The following DPP10 variants were observed in gnomAD, a reference collection of about 807,000 sequenced individuals.
DPP10 encodes dipeptidyl peptidase like 10.
Under a neutral mutation model 120.9 loss-of-function variants are expected in DPP10, and 33 were observed. The ratio of observed to expected loss-of-function variants is 0.27; its 90% CI spans 0.21 to 0.37. DPP10 has a LOEUF of 0.37. Ranked by LOEUF, DPP10 falls within the 10% of genes least tolerant of loss-of-function variation. The pLI, the probability that DPP10 is intolerant of heterozygous loss-of-function variation, is 1.00. For missense variants in DPP10, 816 were observed against 942.8 expected, an observed-to-expected ratio of 0.87 and a Z score of 1.76; for synonymous variants, 337 against 326.1, an observed-to-expected ratio of 1.03 and a Z score of -0.36.
chr2:115,634,209 A>T (rs1383520898), intron 5 of DPP10, among the ~76,000 whole-genome samples: 1 of 152,174 alleles, frequency 6.6e-6, no homozygotes, highest in East Asian at 1.9e-4. Flanking sequence ...CCGTCAGTTT[A>T]TCCATCTCAG....
At chr2:115,359,432 A>G (rs2064622959) in intron 3 of DPP10, among the ~76,000 whole-genome samples, 1 of 152,140 alleles carries the variant, frequency 6.6e-6, no homozygotes, top group Non-Finnish European at 1.5e-5. Context: ...TTTTTTAATG[A>G]TATGAAAATA....
chr2:115,195,979 A>G (rs1386694881), intron 1 of DPP10, among the ~76,000 whole-genome samples: 3 of 152,222 alleles, frequency 2.0e-5, no homozygotes, highest in Non-Finnish European at 2.9e-5. Flanking sequence ...AAGCAGAGAT[A>G]AAGAACACAT....
At chr2:115,334,212 TG>T (rs2062951722) in intron 2 of DPP10, among the ~76,000 whole-genome samples, 1 of 146,546 alleles carries the variant, frequency 6.8e-6, no homozygotes, top group African/African-American at 2.5e-5. Context: ...TTATCAGGAA[TG>T]GACCAGAGCA....
At chr2:115,273,504 T>C (rs1425174461) in intron 1 of DPP10, among the ~76,000 whole-genome samples, 2 of 151,982 alleles carry the variant, frequency 1.3e-5, no homozygotes, top group Non-Finnish European at 2.9e-5. Context: ...GCCTGGCTAA[T>C]TTTTTGTATT....
At chr2:114,729,968 T>C (rs1676732321) in intron 1 of DPP10, among the ~76,000 whole-genome samples, 2 of 152,222 alleles carry the variant, frequency 1.3e-5, no homozygotes, top group Non-Finnish European at 2.9e-5. Flanking sequence ...TCTGCCTACT[T>C]GTCAATAGCT....
At chr2:115,262,501 A>C (rs1452497405) in intron 1 of DPP10, among the ~76,000 whole-genome samples, 1 of 152,158 alleles carries the variant, frequency 6.6e-6, no homozygotes, top group Non-Finnish European at 1.5e-5. Context: ...CTACATAGAA[A>C]TCTAAAGCAA....
At chr2:115,451,804 A>G (rs1361892167) in intron 3 of DPP10, among the ~76,000 whole-genome samples, 4 of 152,152 alleles carry the variant, frequency 2.6e-5, no homozygotes, top group African/African-American at 9.6e-5. Context: ...GTTTTTATAC[A>G]GTTAAATTTA....
intron 1 of DPP10, among the ~76,000 whole-genome samples, chr2:115,045,647 C>T (rs1191139257): frequency 1.3e-5 from 2 of 152,126 alleles, no homozygotes; most frequent in Admixed American, 6.6e-5. Flanking sequence ...TGGTCCAGAC[C>T]AGGGGACGGC....
intron 2 of DPP10, among the ~76,000 whole-genome samples, chr2:115,319,662 A>G (rs2061965093): frequency 6.6e-6 from 1 of 152,170 alleles, no homozygotes; most frequent in African/African-American, 2.4e-5. Context: ...GTCTTAGTTC[A>G]TTTGTGCTGC....
chr2:114,644,966 G>A (rs892552251), intron 1 of DPP10, among the ~76,000 whole-genome samples: 2 of 151,852 alleles, frequency 1.3e-5, no homozygotes, highest in Non-Finnish European at 2.9e-5. Context: ...CTGCTGTTCA[G>A]TCATCACAAA....
chr2:115,460,527 C>G (rs955504128), intron 3 of DPP10, among the ~76,000 whole-genome samples: 2 of 152,134 alleles, frequency 1.3e-5, no homozygotes, highest in African/African-American at 4.8e-5. Flanking sequence ...AATTATTACT[C>G]TTTACAAATA....
chr2:115,607,898 C>T (rs1365484215), intron 5 of DPP10, among the ~76,000 whole-genome samples: 1 of 152,082 alleles, frequency 6.6e-6, no homozygotes, highest in Non-Finnish European at 1.5e-5. Context: ...AACTTAAAGT[C>T]TTAAAGATTA....
At chr2:115,167,620 A>G (rs1034089268) in intron 1 of DPP10, among the ~76,000 whole-genome samples, 1 of 151,660 alleles carries the variant, frequency 6.6e-6, no homozygotes, top group East Asian at 1.9e-4. Context: ...AAAAAAAAAA[A>G]AAAAGCCTCA....
chr2:115,116,069 C>G (rs2049488168), intron 1 of DPP10, among the ~76,000 whole-genome samples: 1 of 152,196 alleles, frequency 6.6e-6, no homozygotes, highest in Admixed American at 6.5e-5. Context: ...TATTGTCCCA[C>G]ATATACTTTA....
chr2:115,265,058 GTT>G (rs1199354692), intron 1 of DPP10, among the ~76,000 whole-genome samples: 1 of 152,018 alleles, frequency 6.6e-6, no homozygotes, highest in East Asian at 1.9e-4. Flanking sequence ...TTGCACTTGA[GTT>G]TGATGAAGAT....
At chr2:114,694,331 G>A (rs139131202) in intron 1 of DPP10, among the ~76,000 whole-genome samples, 4 of 151,886 alleles carry the variant, frequency 2.6e-5, no homozygotes, top group Admixed American at 6.6e-5. Flanking sequence ...TAACATCTCC[G>A]TAGAGAAAAT....
intron 1 of DPP10, among the ~76,000 whole-genome samples, chr2:114,944,789 ATTT>A (rs1043372068): frequency 6.6e-6 from 1 of 152,048 alleles, no homozygotes; most frequent in South Asian, 2.1e-4. Context: ...TAGCTACAGG[ATTT>A]TTTTTGTTAG....
intron 1 of DPP10, among the ~76,000 whole-genome samples, chr2:114,481,106 A>G (rs981970401): frequency 7.9e-5 from 12 of 152,058 alleles, no homozygotes; most frequent in African/African-American, 1.9e-4. Context: ...GCATGATCCA[A>G]AAAAGGAACA....
intron 1 of DPP10, among the ~76,000 whole-genome samples, chr2:114,873,986 A>G (rs946528250): frequency 1.3e-5 from 2 of 152,196 alleles, no homozygotes; most frequent in African/African-American, 4.8e-5. Flanking sequence ...TCAGTGGAGA[A>G]TGACCACTGT....
Sources: allele counts gnomAD v4.1 joint callset (sites outside exome capture counted in the v4.1 genomes callset), GRCh38; gene constraint gnomAD v4.1.1; transcripts MANE v1.5; gene names NCBI Gene and HGNC (gene_info 2026-07-23, HGNC 2026-07-21).